The following RAD51B variants were observed in gnomAD, a reference collection of about 807,000 sequenced individuals.
RAD51B encodes the protein RAD51 paralog B.
In RAD51B, 38 loss-of-function variants were observed where a neutral mutation model predicts 42.2. The observed-to-expected ratio is 0.90, with a 90% CI of 0.70 to 1.18. The LOEUF is 1.18. RAD51B is among the 50% of genes most tolerant of loss of function. The pLI is 0.00. For synonymous variants in RAD51B, 154 were observed against 145.2 expected, an observed-to-expected ratio of 1.06 and a Z score of -0.43; for missense variants, 373 against 400.7, an observed-to-expected ratio of 0.93 and a Z score of 0.59.
intron 7 of RAD51B, among the ~76,000 whole-genome samples, chr14:68,025,476 CTT>C (rs765471138): frequency 0.21 from 8,440 of 40,252 alleles, 259 homozygotes; most frequent in African/African-American, 0.32. Flanking sequence ...CTGGTCTAGG[CTT>C]TTTTTTTTTT....
chr14:68,662,733 T>G (rs1298943176), intron 11 of RAD51B, among the ~76,000 whole-genome samples: 1 of 152,240 alleles, frequency 6.6e-6, no homozygotes, highest in Admixed American at 6.5e-5. Context: ...TCCATGCTGA[T>G]TCCTAACGAT....
intron 4 of RAD51B, among the ~76,000 whole-genome samples, chr14:67,836,764 C>T (rs190834346): frequency 6.6e-6 from 1 of 152,310 alleles, no homozygotes; most frequent in African/African-American, 2.4e-5. Context: ...TACACCTGGC[C>T]AACCTTTTGG....
chr14:68,551,336 A>G (rs560688078), intron 10 of RAD51B, among the ~76,000 whole-genome samples: 1 of 152,198 alleles, frequency 6.6e-6, no homozygotes, highest in Non-Finnish European at 1.5e-5. Context: ...TTCAGCCCCA[A>G]GTCGCGTCCC....
chr14:68,179,711 A>T (rs2079024075), intron 7 of RAD51B, among the ~76,000 whole-genome samples: 1 of 152,142 alleles, frequency 6.6e-6, no homozygotes, highest in Non-Finnish European at 1.5e-5. Flanking sequence ...ACAGAGAGGG[A>T]TACAAGTTGA....
At chr14:67,848,969 T>C (rs1340312432) in intron 4 of RAD51B, among the ~76,000 whole-genome samples, 2 of 152,230 alleles carry the variant, frequency 1.3e-5, no homozygotes, top group African/African-American at 4.8e-5. Flanking sequence ...CTGATGGGGT[T>C]CCTTCTGTCC....
At chr14:67,975,433 A>G (rs1322687527) in intron 7 of RAD51B, among the ~76,000 whole-genome samples, 1 of 152,228 alleles carries the variant, frequency 6.6e-6, no homozygotes, top group Non-Finnish European at 1.5e-5. Flanking sequence ...CAGCCTTATC[A>G]TATTTATTCA....
At chr14:68,536,807 C>A (rs1029077804) in intron 10 of RAD51B, among the ~76,000 whole-genome samples, 10 of 152,028 alleles carry the variant, frequency 6.6e-5, no homozygotes, top group Admixed American at 5.9e-4. Context: ...CCCAGCCAGT[C>A]GCAGTGGCTC....
chr14:68,023,906 T>A (rs1055918335), intron 7 of RAD51B, among the ~76,000 whole-genome samples: 1 of 152,164 alleles, frequency 6.6e-6, no homozygotes, highest in Admixed American at 6.5e-5. Flanking sequence ...GGGGCTTAGC[T>A]AAAACTTCTT....
At chr14:68,586,417 C>T (rs537765717) in intron 10 of RAD51B, among the ~76,000 whole-genome samples, 1 of 152,210 alleles carries the variant, frequency 6.6e-6, no homozygotes, top group African/African-American at 2.4e-5. Context: ...TTGTGCCGAT[C>T]GGTTCCAGAT....
At chr14:68,447,076 G>A (rs763310987) in intron 9 of RAD51B, among the ~76,000 whole-genome samples, 2 of 152,058 alleles carry the variant, frequency 1.3e-5, no homozygotes, top group African/African-American at 4.8e-5. Context: ...AAAATTAGCC[G>A]GGCGTGGTGG....
intron 8 of RAD51B, among the ~76,000 whole-genome samples, chr14:68,327,658 G>A (rs2082275728): frequency 6.6e-6 from 1 of 151,658 alleles, no homozygotes; most frequent in Admixed American, 6.6e-5. Context: ...GGAGCCAAAG[G>A]TAAACAGACT....
In RAD51B at chr14:67,945,746, C is replaced by T. The variant is rs1018345844; in HGVS notation, c.756+58542C>T. On this transcript the variant is annotated intron_variant, in intron 7 of 10. Coordinates refer to ENST00000471583, the MANE Select transcript of RAD51B (RefSeq NM_133510.4). ...TCAGCCTCCCAAAGTGCTGGGATTA[C>T]AGGCATGAGCTACCATGCCCAGCCC... Among the ~76,000 whole-genome samples, 5 of 152,158 alleles carry T rather than the reference C, an allele frequency of 3.3e-5. No individual in the cohort carries two copies. The East Asian group carries it at 7.7e-4, about 23-fold the overall frequency.
intron 11 of RAD51B, among the ~76,000 whole-genome samples, chr14:68,667,932 C>A (rs1424501697): frequency 1.3e-5 from 2 of 152,156 alleles, no homozygotes; most frequent in Non-Finnish European, 2.9e-5. Context: ...TAAGGTAACT[C>A]CAGCAGGAGA....
intron 7 of RAD51B, among the ~76,000 whole-genome samples, chr14:68,266,619 C>A (rs1239114695): frequency 6.6e-6 from 1 of 152,162 alleles, no homozygotes; most frequent in African/African-American, 2.4e-5. Context: ...CTGTTCTAAG[C>A]CCCAACATTT....
At chr14:67,993,070 C>A (rs2075321924) in intron 7 of RAD51B, among the ~76,000 whole-genome samples, 1 of 152,068 alleles carries the variant, frequency 6.6e-6, no homozygotes, top group African/African-American at 2.4e-5. Flanking sequence ...ATCCAAGAAA[C>A]ATTTTTTTAA....
At chr14:68,379,759 C>G (rs2083443060) in intron 8 of RAD51B, among the ~76,000 whole-genome samples, 1 of 152,122 alleles carries the variant, frequency 6.6e-6, no homozygotes, top group South Asian at 2.1e-4. Flanking sequence ...CCTCTACTTC[C>G]CAAGAGAATT....
chr14:68,629,097 T>C (rs557647376), intron 10 of RAD51B, among the ~76,000 whole-genome samples: 1 of 152,122 alleles, frequency 6.6e-6, no homozygotes. Flanking sequence ...CCCCACACGA[T>C]GCCCAACTTC....
intron 10 of RAD51B, among the ~76,000 whole-genome samples, chr14:68,589,706 A>G (rs928701098): frequency 2.0e-5 from 3 of 152,180 alleles, no homozygotes; most frequent in Admixed American, 1.3e-4. Context: ...TTATGACTTC[A>G]ACAGATGTTT....
chr14:68,370,293 C>T (rs1185327491), intron 8 of RAD51B, among the ~76,000 whole-genome samples: 2 of 152,146 alleles, frequency 1.3e-5, no homozygotes, highest in African/African-American at 4.8e-5. Flanking sequence ...AAACTCTTTA[C>T]CAAAGGGCAA....
Sources: allele counts gnomAD v4.1 joint callset (sites outside exome capture counted in the v4.1 genomes callset), GRCh38; gene constraint gnomAD v4.1.1; transcripts MANE v1.5; gene names NCBI Gene and HGNC (gene_info 2026-07-23, HGNC 2026-07-21).